Variants in ADCY5 observed in about 807,000 individuals in gnomAD.
The protein encoded by ADCY5 is adenylate cyclase 5.
Under a neutral mutation model 119.7 loss-of-function variants are expected in ADCY5, and 30 were observed. That is an observed-to-expected ratio of 0.25 (90% confidence interval 0.19 to 0.34). The LOEUF (loss-of-function observed/expected upper bound fraction) is 0.34. Ranked by LOEUF, ADCY5 falls within the 10% of genes least tolerant of loss-of-function variation. ADCY5 has a pLI of 1.00. For synonymous variants in ADCY5, 753 were observed against 762.2 expected, an observed-to-expected ratio of 0.99 and a Z score of 0.20; for missense variants, 1,324 against 1,775.2, an observed-to-expected ratio of 0.75 and a Z score of 4.57.
chr3:123,343,851 C>A (rs987412328), intron 3 of ADCY5, among the ~76,000 whole-genome samples: 1 of 152,178 alleles, frequency 6.6e-6, no homozygotes, highest in East Asian at 1.9e-4. Flanking sequence ...TGACCCCCCG[C>A]CCCGTCAGAA....
At chr3:123,293,142 C>T in intron 17 of ADCY5, among the ~76,000 whole-genome samples, 1 of 152,256 alleles carries the variant, frequency 6.6e-6, no homozygotes, top group Non-Finnish European at 1.5e-5. Context: ...TTGGTGGCCC[C>T]ACTAAGGTCA....
intron 13 of ADCY5, among the ~76,000 whole-genome samples, 174 bp downstream of exon 13, chr3:123,303,893 G>GAAGAGAGAAGAA (rs746945989): frequency 8.5e-6 from 1 of 117,186 alleles, no homozygotes; most frequent in Non-Finnish European, 1.7e-5. Flanking sequence ...GAAGAGAAGA[G>GAAGAGAGAAGAA]AAGAAAGAAC....
At chr3:123,300,015 C>G in intron 15 of ADCY5, 105 bp downstream of exon 15, 2 of 1,253,180 alleles carry the variant, frequency 1.6e-6, no homozygotes, top group Non-Finnish European at 2.2e-6. Flanking sequence ...ACAAGATACT[C>G]TCCTCGCAAG....
In ADCY5 at chr3:123,314,304, G is replaced by A. The variant is rs145291636; in HGVS notation, c.2373C>T (p.Ser791=). 3.2e-5 allele frequency: 52 copies of A among 1,613,174 alleles called. No homozygotes were observed. Among genetic ancestry groups the A allele is most frequent in the Non-Finnish European group, 2.5e-5 (30 of 1,179,402 alleles). The part of the protein sequence containing the change: ...TIVPHSIFML[S]FYLTCSLLLT... ...GCAGCAGGGAACAGGTCAGGTAGAA[G>A]CTGAGCATGAATATGGAGCTGGAAG... Residue 791 remains serine, a synonymous_variant, in exon 12 of 21, where the codon AGC becomes AGT. Coordinates refer to ENST00000462833, the MANE Select transcript of ADCY5 (RefSeq NM_183357.3).
intron 1 of ADCY5, among the ~76,000 whole-genome samples, chr3:123,380,968 TC>T (rs1180537884): frequency 1.3e-5 from 2 of 152,154 alleles, no homozygotes; most frequent in Non-Finnish European, 1.5e-5. Flanking sequence ...TCCTAGCCCT[TC>T]CACTTCATAC....
chr3:123,326,284 C>T (rs1941478776), intron 7 of ADCY5, among the ~76,000 whole-genome samples: 1 of 152,190 alleles, frequency 6.6e-6, no homozygotes, highest in Admixed American at 6.5e-5. Context: ...CAACACACTC[C>T]CCAGGATCTC....
chr3:123,387,912 A>G (rs55756817), intron 1 of ADCY5, among the ~76,000 whole-genome samples: 72,643 of 152,058 alleles, frequency 0.48, 18,159 homozygotes, highest in East Asian at 0.68. Context: ...GAAAGAGTCC[A>G]TCCCTGAATG....
At chr3:123,361,887 T>C (rs1431611916) in intron 1 of ADCY5, among the ~76,000 whole-genome samples, 3 of 152,256 alleles carry the variant, frequency 2.0e-5, no homozygotes, top group Admixed American at 6.5e-5. Flanking sequence ...TAAGTACTTA[T>C]GTGTGGAATT....
rs888112931 is a variant in ADCY5 at position 123,302,996 on chromosome 3, C to G, written c.2724+59G>C. On this transcript the variant is annotated intron_variant, in intron 14 of 20. Transcript: ENST00000462833. ...AGACTGTCCTGAGCAGCTGCAGTGACAGTGGGGGAGGGCAAGGGACTCTTC... is the reference window on the plus strand; with the variant it reads ...AGACTGTCCTGAGCAGCTGCAGTGAGAGTGGGGGAGGGCAAGGGACTCTTC... The G allele has an allele frequency of 6.3e-6, 10 of 1,583,200 alleles. No homozygotes were observed. The African/African-American group carries it at 1.3e-4, about 21-fold the overall frequency.
chr3:123,386,970 T>G (rs1357475742), intron 1 of ADCY5, among the ~76,000 whole-genome samples: 2 of 152,034 alleles, frequency 1.3e-5, no homozygotes, highest in Non-Finnish European at 2.9e-5. Flanking sequence ...ATGCAAACAC[T>G]AGGATCCATA....
chr3:123,377,602 A>G (rs1234417536), intron 1 of ADCY5, among the ~76,000 whole-genome samples: 2 of 151,386 alleles, frequency 1.3e-5, no homozygotes, highest in African/African-American at 2.4e-5. Context: ...TGTGAGCTCC[A>G]TGAGGGCAAG....
In ADCY5 at chr3:123,311,583, G is replaced by C. The variant is rs372906185; in HGVS notation, c.2442+2652C>G. Reference sequence around the variant, plus strand: ...ATTGGGCTCTGTGTTCCAGAAAGCGGACAAACCCTGAGAAGAGGCTAATCA... The same window carrying C: ...ATTGGGCTCTGTGTTCCAGAAAGCGCACAAACCCTGAGAAGAGGCTAATCA... On this transcript the variant is annotated intron_variant, in intron 12 of 20. Transcript: ENST00000462833. 1.7e-4 allele frequency among the ~76,000 whole-genome samples: 26 copies of C among 152,308 alleles called. No homozygotes were observed. In the East Asian group the frequency reaches 4.6e-3, roughly 27 times the overall value.
intron 16 of ADCY5, chr3:123,297,125 CCA>C: frequency 7.0e-7 from 1 of 1,428,766 alleles, no homozygotes; most frequent in East Asian, 2.4e-5. Context: ...GTGATCCCAA[CCA>C]CAGAGACTAC....
At chr3:123,323,230 G>A (rs541256899) in intron 8 of ADCY5, among the ~76,000 whole-genome samples, 5 of 151,976 alleles carry the variant, frequency 3.3e-5, no homozygotes, top group South Asian at 4.2e-4. Context: ...GATGAACGCT[G>A]TGGAGGAGAC....
chr3:123,347,126 T>C (rs1373960192), intron 3 of ADCY5, among the ~76,000 whole-genome samples: 1 of 152,108 alleles, frequency 6.6e-6, no homozygotes, highest in Non-Finnish European at 1.5e-5. Flanking sequence ...CTTTTTTCTT[T>C]CTCCATGACT....
chr3:123,376,398 G>A (rs966671752), intron 1 of ADCY5, among the ~76,000 whole-genome samples: 3 of 144,602 alleles, frequency 2.1e-5, no homozygotes, highest in African/African-American at 7.6e-5. Flanking sequence ...CTTGGCCTTC[G>A]TGCATTTGTA....
At chr3:123,361,535 G>A (rs1462933373) in intron 1 of ADCY5, among the ~76,000 whole-genome samples, 1 of 124,744 alleles carries the variant, frequency 8.0e-6, no homozygotes, top group Non-Finnish European at 1.6e-5. Flanking sequence ...TTCCACACCT[G>A]TGGATTTGCC....
At chr3:123,430,212 G>A (rs551731136) in intron 1 of ADCY5, among the ~76,000 whole-genome samples, 11 of 152,328 alleles carry the variant, frequency 7.2e-5, no homozygotes, top group Admixed American at 7.2e-4. Flanking sequence ...CAGACTGAGG[G>A]TGATTTCCAG....
At chr3:123,367,851 G>GA (rs146718564) in intron 1 of ADCY5, 60,365 of 813,438 alleles carry the variant, frequency 0.074, no homozygotes, top group South Asian at 0.1. Context: ...GAATCCAGAA[G>GA]AAAAAAAAAA....
Sources: gnomAD v4.1 joint callset for allele counts (sites outside exome capture counted in the v4.1 genomes callset) on GRCh38, gnomAD v4.1.1 for gene constraint, MANE v1.5 for transcripts, NCBI Gene and HGNC (gene_info 2026-07-23, HGNC 2026-07-21) for gene names.